The following EFL1 variants were observed in gnomAD, a reference collection of about 807,000 sequenced individuals.
EFL1 encodes the protein elongation factor like GTPase 1.
EFL1 carries 76 observed loss-of-function variants against 126.7 expected under a neutral mutation model. That is an observed-to-expected ratio of 0.60 (90% CI 0.50 to 0.73). EFL1 has a LOEUF of 0.73. Ranked by LOEUF, EFL1 falls within the 30% of genes least tolerant of loss-of-function variation. The pLI, the probability that EFL1 is intolerant of heterozygous loss-of-function variation, is 0.00. For missense variants in EFL1, 1,128 were observed against 1,343.2 expected, an observed-to-expected ratio of 0.84 and a Z score of 2.50; for synonymous variants, 410 against 448.4, an observed-to-expected ratio of 0.91 and a Z score of 1.08.
At chr15:82,142,150 A>G (rs1474910147) in intron 18 of EFL1, among the ~76,000 whole-genome samples, 1 of 152,186 alleles carries the variant, frequency 6.6e-6, no homozygotes. Context: ...AAATACTTTC[A>G]TACCCTTTCC....
At chr15:82,191,127 C>T (rs1298937580) in intron 15 of EFL1, among the ~76,000 whole-genome samples, 1 of 152,048 alleles carries the variant, frequency 6.6e-6, no homozygotes, top group Non-Finnish European at 1.5e-5. Context: ...TTTGTCCCAT[C>T]TTTTCTCCTT....
chr15:82,239,487 C>A (rs2074909024), intron 6 of EFL1, among the ~76,000 whole-genome samples: 1 of 152,160 alleles, frequency 6.6e-6, no homozygotes, highest in Non-Finnish European at 1.5e-5. Flanking sequence ...TTCTTTTTCA[C>A]TGTTCTACTT....
chr15:82,261,702 G>T lies in EFL1; in HGVS notation c.77C>A (p.Ala26Asp). ...AGTATTCTTACCATGGTCAACATGA[G>T]CCAAAACACAAATATTCCTGATGTT... Reference protein sequence around the residue: ...TANIRNICVLAHVDHGKTTLA... With the variant: ...TANIRNICVLDHVDHGKTTLA... The change falls in exon 2 of 20, where the codon GCT (alanine) becomes GAT (aspartate). Residue 26 changes from alanine to aspartate, a missense_variant. By Grantham distance (126) the Ala-to-Asp change is moderately radical. Transcript: ENST00000268206. 1 of 1,613,912 alleles carries T rather than the reference G, an allele frequency of 6.2e-7. No homozygotes were observed. The highest frequency in any genetic ancestry group is 8.5e-7 in the Non-Finnish European group (1 of 1,179,964).
At chr15:82,232,486 C>G (rs1484706393) in intron 7 of EFL1, among the ~76,000 whole-genome samples, 2 of 152,192 alleles carry the variant, frequency 1.3e-5, no homozygotes, top group African/African-American at 4.8e-5. Context: ...CGCCCCCAAA[C>G]CATGTGCCTA....
intron 3 of EFL1, among the ~76,000 whole-genome samples, chr15:82,253,827 G>A (rs2075044837): frequency 6.6e-6 from 1 of 152,138 alleles, no homozygotes; most frequent in South Asian, 2.1e-4. Flanking sequence ...CATCAGTACT[G>A]ACAGTGGTGT....
At chr15:82,215,695 T>A (rs1460013605) in intron 14 of EFL1, 1 of 152,064 alleles carries the variant, frequency 6.6e-6, no homozygotes, top group African/African-American at 2.4e-5. Flanking sequence ...ATGGCTGAGA[T>A]ACAACATAAA....
chr15:82,141,652 CA>C (rs1424031494), intron 18 of EFL1, among the ~76,000 whole-genome samples: 3 of 105,480 alleles, frequency 2.8e-5, no homozygotes, highest in South Asian at 3.0e-4. Flanking sequence ...CCAACCTGGG[CA>C]ATAGAGTGAG....
chr15:82,198,561 C>T (rs953947759), intron 15 of EFL1, among the ~76,000 whole-genome samples: 29 of 152,196 alleles, frequency 1.9e-4, no homozygotes, highest in African/African-American at 7.0e-4. Context: ...TTAAAGCAAC[C>T]CACAGATAGA....
intron 15 of EFL1, among the ~76,000 whole-genome samples, chr15:82,209,985 TATGATG>T: frequency 6.6e-6 from 1 of 152,374 alleles, no homozygotes; most frequent in African/African-American, 2.4e-5. Flanking sequence ...CCGTATCATT[TATGATG>T]AAAAGCATAT....
chr15:82,202,569 C>T (rs1307353548), intron 15 of EFL1, among the ~76,000 whole-genome samples: 1 of 152,030 alleles, frequency 6.6e-6, no homozygotes, highest in Non-Finnish European at 1.5e-5. Context: ...TTCCATGATC[C>T]TCAGCTCACA....
At chr15:82,255,204 G>C in intron 3 of EFL1, among the ~76,000 whole-genome samples, 1 of 152,188 alleles carries the variant, frequency 6.6e-6, no homozygotes, top group Non-Finnish European at 1.5e-5. Context: ...TAAGATGGGT[G>C]ATAAATAGCA....
At chr15:82,246,461 C>A (rs2074973724) in intron 4 of EFL1, among the ~76,000 whole-genome samples, 1 of 152,056 alleles carries the variant, frequency 6.6e-6, no homozygotes, top group South Asian at 2.1e-4. Flanking sequence ...AGGTGCTAGT[C>A]TCATTATCGG....
In EFL1 at chr15:82,259,133, A is replaced by G. The variant is rs2075091230; in HGVS notation, c.114T>C (p.Cys38=). 6.2e-7 allele frequency: 1 copy of G among 1,614,086 alleles called. No individual in the cohort carries two copies. Among genetic ancestry groups the G allele is most frequent in the Admixed American group, 1.7e-5 (1 of 60,028 alleles). The change falls in exon 3 of 20, where the codon TGT becomes TGC. Residue 38 remains cysteine (C), a synonymous_variant. Coordinates refer to ENST00000268206, the MANE Select transcript of EFL1 (RefSeq NM_024580.6). Reference sequence around the variant, plus strand: ...AGATGATTCCATTGCTAGATATAAGACAGTCAGCCAGAGTAGTTTTTCCTG... The same window carrying G: ...AGATGATTCCATTGCTAGATATAAGGCAGTCAGCCAGAGTAGTTTTTCCTG... ...VDHGKTTLAD[C]LISSNGIISS...
At chr15:82,154,356 TCTC>T (rs563040963) in intron 17 of EFL1, among the ~76,000 whole-genome samples, 19 of 152,260 alleles carry the variant, frequency 1.2e-4, no homozygotes, top group African/African-American at 4.6e-4. Context: ...GACAATATAG[TCTC>T]CTTGTCTCCC....
chr15:82,198,253 AC>A (rs1172434404), intron 15 of EFL1, among the ~76,000 whole-genome samples: 56 of 152,150 alleles, frequency 3.7e-4, no homozygotes, highest in East Asian at 5.8e-4. Context: ...GATGCCTTTT[AC>A]CATCATCCCA....
intron 15 of EFL1, among the ~76,000 whole-genome samples, chr15:82,192,190 A>G (rs1321582754): frequency 1.3e-5 from 2 of 152,134 alleles, no homozygotes; most frequent in African/African-American, 4.8e-5. Context: ...ATTTGAGGTC[A>G]GGAGTTCAAG....
At chr15:82,180,373 C>CAAAAAAAAAACAA (rs2074239207) in intron 15 of EFL1, among the ~76,000 whole-genome samples, 1 of 94,026 alleles carries the variant, frequency 1.1e-5, no homozygotes, top group Non-Finnish European at 2.1e-5. Flanking sequence ...AAAAAAAAAA[C>CAAAAAAAAAACAA]AAAAAAAAAA....
At chr15:82,158,587 T>C (rs1314730356) in intron 16 of EFL1, among the ~76,000 whole-genome samples, 1 of 152,158 alleles carries the variant, frequency 6.6e-6, no homozygotes, top group Non-Finnish European at 1.5e-5. Flanking sequence ...CTTAAAGACG[T>C]TTTTATGCAG....
intron 16 of EFL1, 110 bp downstream of exon 16, chr15:82,163,743 A>G (rs1423231345): frequency 7.5e-7 from 1 of 1,341,968 alleles, no homozygotes; most frequent in Non-Finnish European, 9.9e-7. Flanking sequence ...GACCTCAATG[A>G]AAATTCATTA....
Sources: gnomAD v4.1 joint callset for allele counts (sites outside exome capture counted in the v4.1 genomes callset) on GRCh38, gnomAD v4.1.1 for gene constraint, MANE v1.5 for transcripts, NCBI Gene and HGNC (gene_info 2026-07-23, HGNC 2026-07-21) for gene names.